The following ZBBX variants were observed in gnomAD, a reference collection of about 807,000 sequenced individuals.
The protein encoded by ZBBX is zinc finger B-box domain containing.
A neutral mutation model predicts 108.5 loss-of-function variants in ZBBX; 101 were observed. The observed-to-expected ratio is 0.93, with a 90% CI of 0.79 to 1.10. ZBBX has a LOEUF of 1.10. Ranked by LOEUF, ZBBX falls within the 50% of genes least tolerant of loss-of-function variation. The pLI, the probability that ZBBX is intolerant of heterozygous loss-of-function variation, is 0.00. For synonymous variants in ZBBX, 356 were observed against 323.4 expected, an observed-to-expected ratio of 1.10 and a Z score of -1.08; for missense variants, 1,009 against 941.4, an observed-to-expected ratio of 1.07 and a Z score of -0.94.
chr3:167,231,169 G>A, the ZBBX span, among the ~76,000 whole-genome samples: 4 of 151,956 alleles, frequency 2.6e-5, no homozygotes, highest in East Asian at 7.8e-4. Flanking sequence ...CTGGAGCTAA[G>A]CGTTAAGTGG....
chr3:167,229,940 T>C, the ZBBX span, among the ~76,000 whole-genome samples: 1 of 151,896 alleles, frequency 6.6e-6, no homozygotes, highest in Non-Finnish European at 1.5e-5. Flanking sequence ...CTAAAGTTTA[T>C]ATCTTTTCTA....
intron 1 of ZBBX, among the ~76,000 whole-genome samples, chr3:167,394,731 G>GT (rs542043141): frequency 1.1e-3 from 166 of 152,048 alleles, no homozygotes; most frequent in African/African-American, 3.9e-3. Context: ...TCAATAAAAG[G>GT]TTTATTCCTG....
At chr3:167,339,804 T>C (rs948932458) in intron 9 of ZBBX, among the ~76,000 whole-genome samples, 1 of 152,096 alleles carries the variant, frequency 6.6e-6, no homozygotes, top group African/African-American at 2.4e-5. Context: ...TTTGTCCTAA[T>C]GTTCTCCCTC....
At chr3:167,210,127 T>C in the ZBBX span, among the ~76,000 whole-genome samples, 2 of 149,812 alleles carry the variant, frequency 1.3e-5, no homozygotes, top group East Asian at 3.9e-4. Context: ...ATTAGCTGTT[T>C]TGAGAAAACG....
intron 20 of ZBBX, among the ~76,000 whole-genome samples, chr3:167,280,696 C>T (rs1291967783): frequency 2.0e-5 from 3 of 150,886 alleles, no homozygotes; most frequent in East Asian, 1.9e-4. Flanking sequence ...GTCAGTGTGG[C>T]GATTCCTCAG....
chr3:167,280,319 C>T (rs1728555221), intron 20 of ZBBX, among the ~76,000 whole-genome samples: 1 of 151,242 alleles, frequency 6.6e-6, no homozygotes, highest in Non-Finnish European at 1.5e-5. Flanking sequence ...AACAGGTAAC[C>T]TATAAAATGG....
intron 1 of ZBBX, among the ~76,000 whole-genome samples, chr3:167,390,048 G>A (rs1209354176): frequency 6.6e-6 from 1 of 152,082 alleles, no homozygotes; most frequent in Non-Finnish European, 1.5e-5. Flanking sequence ...CCATGCCTAT[G>A]TCGTGAATGG....
intron 17 of ZBBX, among the ~76,000 whole-genome samples, chr3:167,303,508 T>C (rs553933899): frequency 6.8e-6 from 1 of 148,102 alleles, no homozygotes; most frequent in African/African-American, 2.4e-5. Flanking sequence ...TGCATCCTAC[T>C]TCTTCCTTCC....
intron 12 of ZBBX, among the ~76,000 whole-genome samples, chr3:167,321,851 T>A (rs1406189998): frequency 6.6e-6 from 1 of 152,130 alleles, no homozygotes; most frequent in Middle Eastern, 3.4e-3. Flanking sequence ...TTATTCTTCT[T>A]AAATTCATTT....
intron 20 of ZBBX, among the ~76,000 whole-genome samples, chr3:167,274,326 G>C (rs1266169041): frequency 6.6e-5 from 10 of 152,118 alleles, no homozygotes; most frequent in Non-Finnish European, 1.2e-4. Context: ...GTTAGGTGTT[G>C]CATCATACCA....
intron 18 of ZBBX, among the ~76,000 whole-genome samples, chr3:167,292,907 G>C (rs147346349): frequency 1.5e-3 from 222 of 152,236 alleles, no homozygotes; most frequent in African/African-American, 5.1e-3. Context: ...TACCATCAGA[G>C]AATACTATAA....
At chr3:167,331,471 C>G (rs1738620725) in intron 10 of ZBBX, 1 of 719,588 alleles carries the variant, frequency 1.4e-6, no homozygotes, top group Non-Finnish European at 1.7e-6. Flanking sequence ...TTTCAACATG[C>G]AGCAATTTCA....
At chr3:167,200,392 T>G in the ZBBX span, among the ~76,000 whole-genome samples, 5 of 152,190 alleles carry the variant, frequency 3.3e-5, no homozygotes, top group Admixed American at 1.3e-4. Flanking sequence ...TTTAAAGCTT[T>G]CTGCTAGAGG....
At chr3:167,383,414 C>A (rs1284175176), upstream of ZBBX, among the ~76,000 whole-genome samples, 1 of 151,934 alleles carries the variant, frequency 6.6e-6, no homozygotes, top group Non-Finnish European at 1.5e-5. Context: ...TTAGAGACAA[C>A]ATAAAATTAC....
intron 2 of ZBBX, among the ~76,000 whole-genome samples, chr3:167,375,753 T>C (rs978395228): frequency 2.6e-5 from 4 of 152,138 alleles, no homozygotes; most frequent in African/African-American, 9.7e-5. Context: ...AAATTAAATC[T>C]AACCTGAAAG....
chr3:167,211,998 T>C, the ZBBX span, among the ~76,000 whole-genome samples: 1 of 152,152 alleles, frequency 6.6e-6, no homozygotes, highest in East Asian at 1.9e-4. Context: ...ACTGCTTTTT[T>C]AAGTGGGTTC....
chr3:167,341,084 T>C (rs1390075332), intron 9 of ZBBX, among the ~76,000 whole-genome samples: 1 of 151,982 alleles, frequency 6.6e-6, no homozygotes, highest in Non-Finnish European at 1.5e-5. Context: ...TCCAACATCA[T>C]GTAAGTATTA....
intron 18 of ZBBX, among the ~76,000 whole-genome samples, chr3:167,290,988 C>T (rs982536730): frequency 3.3e-5 from 5 of 151,920 alleles, no homozygotes; most frequent in South Asian, 2.1e-4. Context: ...TGAAATAAAG[C>T]GGAAAGACAA....
the ZBBX span, among the ~76,000 whole-genome samples, chr3:167,212,214 G>A: frequency 6.6e-6 from 1 of 152,118 alleles, no homozygotes; most frequent in Admixed American, 6.5e-5. Context: ...AGGACTGGAG[G>A]TGGTCCCAAG....
Sources: gnomAD v4.1 joint callset for allele counts (sites outside exome capture counted in the v4.1 genomes callset) on GRCh38, gnomAD v4.1.1 for gene constraint, MANE v1.5 for transcripts, NCBI Gene and HGNC (gene_info 2026-07-23, HGNC 2026-07-21) for gene names.